The following PCDHA2 variants were observed in gnomAD, a reference collection of about 807,000 sequenced individuals.
PCDHA2 encodes the protein protocadherin alpha-2.
A neutral mutation model predicts 66.0 loss-of-function variants in PCDHA2; 58 were observed. The observed-to-expected ratio is 0.88, with a 90% CI of 0.71 to 1.09. PCDHA2 has a LOEUF of 1.09. Ranked by LOEUF, PCDHA2 falls within the 50% of genes least tolerant of loss-of-function variation. The pLI is 0.00. For synonymous variants in PCDHA2, 634 were observed against 554.0 expected, an observed-to-expected ratio of 1.14 and a Z score of -2.03; for missense variants, 1,267 against 1,242.3, an observed-to-expected ratio of 1.02 and a Z score of -0.30.
intron 1 of PCDHA2, chr5:140,837,228 C>T (rs1388432907): frequency 6.6e-6 from 1 of 152,156 alleles, no homozygotes; most frequent in African/African-American, 2.4e-5. Context: ...TTAAGCATTT[C>T]TTTTACATCT....
intron 1 of PCDHA2, chr5:140,802,640 C>T (rs782385485): frequency 3.1e-6 from 5 of 1,613,634 alleles, no homozygotes; most frequent in Non-Finnish European, 4.2e-6. Context: ...CTGCGCGGGA[C>T]GCGGACGCGC....
chr5:140,912,746 A>T (rs1322674627), intron 1 of PCDHA2, among the ~76,000 whole-genome samples: 1 of 152,200 alleles, frequency 6.6e-6, no homozygotes, highest in Non-Finnish European at 1.5e-5. Flanking sequence ...TGGGTCTGTC[A>T]TAGATGGCTT....
At chr5:140,906,063 A>T (rs572488248) in intron 1 of PCDHA2, among the ~76,000 whole-genome samples, 1 of 152,318 alleles carries the variant, frequency 6.6e-6, no homozygotes, top group South Asian at 2.1e-4. Flanking sequence ...CTGGCAGCTG[A>T]TTAGATCGCA....
intron 3 of PCDHA2, among the ~76,000 whole-genome samples, chr5:140,995,181 T>G (rs1443897354): frequency 6.6e-6 from 1 of 152,186 alleles, no homozygotes; most frequent in Non-Finnish European, 1.5e-5. Context: ...GGTGCACCTA[T>G]GATAAAGTTT....
intron 1 of PCDHA2, chr5:140,835,488 A>C (rs2150236741): frequency 2.5e-6 from 4 of 1,613,940 alleles, no homozygotes; most frequent in Non-Finnish European, 3.4e-6. Flanking sequence ...AGGTACCGTC[A>C]TCACATTGAT....
chr5:140,822,315 T>C lies in PCDHA2; in HGVS notation c.2388+24963T>C, dbSNP rs145095373. ...ATCCAAACGAATATTTTGACTTAGA[T>C]GTTAAAACAAATGAAGAAGAAACGA... On this transcript the variant is annotated intron_variant, in intron 1 of 3. Coordinates refer to ENST00000526136, the MANE Select transcript of PCDHA2 (RefSeq NM_018905.3). 1.0e-4 allele frequency: 164 copies of C among 1,614,198 alleles called. No homozygotes were observed. The African/African-American group carries it at 2.0e-3, about 20-fold the overall frequency.
intron 1 of PCDHA2, chr5:140,842,971 G>T: frequency 6.3e-7 from 1 of 1,594,964 alleles, no homozygotes; most frequent in Non-Finnish European, 8.6e-7. Context: ...GCAACGTGAC[G>T]CTGCAGGTGT....
At chr5:140,875,997 T>C in intron 1 of PCDHA2, 13 of 1,613,924 alleles carry the variant, frequency 8.1e-6, no homozygotes, top group South Asian at 1.1e-5. Context: ...TAAGTCTAAA[T>C]GAGAATTTTG....
chr5:140,896,615 G>A (rs1293256212), intron 1 of PCDHA2, among the ~76,000 whole-genome samples: 4 of 151,782 alleles, frequency 2.6e-5, no homozygotes, highest in African/African-American at 9.7e-5. Context: ...GGTCTTAAGT[G>A]ATCCACCTGC....
chr5:140,941,862 T>G (rs1007783083), intron 1 of PCDHA2, among the ~76,000 whole-genome samples: 33 of 152,238 alleles, frequency 2.2e-4, no homozygotes, highest in African/African-American at 7.7e-4. Context: ...TTCCCTATCA[T>G]AGAGTTCTAT....
At chr5:140,802,950 G>T (rs1206653490) in intron 1 of PCDHA2, 73 of 1,613,808 alleles carry the variant, frequency 4.5e-5, no homozygotes, top group Non-Finnish European at 6.0e-5. Flanking sequence ...GCCGCGGTCA[G>T]TGGGTGCGGG....
intron 1 of PCDHA2, among the ~76,000 whole-genome samples, chr5:140,923,950 C>A (rs544576500): frequency 6.6e-6 from 1 of 152,148 alleles, no homozygotes; most frequent in Non-Finnish European, 1.5e-5. Context: ...TTTTTCCTCA[C>A]GCCCTAATCT....
At chr5:140,861,422 T>G in intron 1 of PCDHA2, 1 of 482,430 alleles carries the variant, frequency 2.1e-6, no homozygotes, top group Admixed American at 2.1e-5. Flanking sequence ...CGCGCCTGTT[T>G]CAGTTGGATT....
At chr5:140,886,042 A>G (rs1450330062) in intron 1 of PCDHA2, among the ~76,000 whole-genome samples, 1 of 152,222 alleles carries the variant, frequency 6.6e-6, no homozygotes, top group African/African-American at 2.4e-5. Context: ...GTTTTCCCCA[A>G]TAGTAACATC....
chr5:140,796,281 C>T lies in PCDHA2; in HGVS notation c.1317C>T (p.Thr439=). The T allele has an allele frequency of 6.2e-7, 1 of 1,614,130 alleles. No homozygotes were observed. The highest frequency in any genetic ancestry group is 2.2e-5 in the East Asian group (1 of 44,890). ...GCTCGCCTTCACTGTGGGCCACCAC[C>T]AGCGTGTCCATCGAGGTGGCCGACG... ...DGGSPSLWAT[T]SVSIEVADVN... Residue 439 remains threonine, a synonymous_variant, in exon 1 of 4, where the codon ACC becomes ACT. Coordinates refer to ENST00000526136, the MANE Select transcript of PCDHA2 (RefSeq NM_018905.3).
intron 1 of PCDHA2, chr5:140,850,308 G>C: frequency 6.3e-7 from 1 of 1,597,160 alleles, no homozygotes; most frequent in Non-Finnish European, 8.6e-7. Flanking sequence ...GGGCTACAAC[G>C]CGTGGCTTTC....
rs1220718510 is a variant in PCDHA2, at chr5:140,898,104, A to T, written c.2389-80845A>T. 2.0e-5 allele frequency among the ~76,000 whole-genome samples: 3 copies of T among 152,110 alleles called. No individual in the cohort carries two copies. In the South Asian group the frequency reaches 6.2e-4, roughly 32 times the overall value. On this transcript the variant is annotated intron_variant, in intron 1 of 3. Coordinates refer to ENST00000526136, the MANE Select transcript of PCDHA2 (RefSeq NM_018905.3). Reference sequence around the variant, plus strand: ...CTGGATATTAGCCCTTTGTCAGATGAGTAGGTTGCGAAAATTTTCTCCCAT... The same window carrying T: ...CTGGATATTAGCCCTTTGTCAGATGTGTAGGTTGCGAAAATTTTCTCCCAT...
At position 140,870,837 on chromosome 5, in the gene PCDHA2, G is replaced by T. The variant is rs782610375; in HGVS notation, c.2388+73485G>T. ...GCAGCGCGGGAGGCGCAGTTAACAA[G>T]CTAGTACCGCGGTCGGTGGGTGCGG... On this transcript the variant is annotated intron_variant, in intron 1 of 3. Transcript: ENST00000526136. 5 of 1,613,820 alleles carry T rather than the reference G, an allele frequency of 3.1e-6. No individual in the cohort carries two copies. The South Asian group carries it at 4.4e-5, about 14-fold the overall frequency.
In PCDHA2 at chr5:140,795,482, G is replaced by A; in HGVS notation, c.518G>A (p.Ser173Asn). Residue 173 changes from serine to asparagine, a missense_variant, in exon 1 of 4, where the codon AGC becomes AAC. By Grantham distance (46) the Ser-to-Asn change is conservative. Transcript: ENST00000526136. ...AATGCTCTTCTCTCCTACAAGCTCAGCTCCAGTGAGTTTTTCTTCCTAGAT... is the reference window on the plus strand; with the variant it reads ...AATGCTCTTCTCTCCTACAAGCTCAACTCCAGTGAGTTTTTCTTCCTAGAT... ...GVNALLSYKL[S>N]SSEFFFLDIQ... 1 of 1,614,146 alleles carries A rather than the reference G, an allele frequency of 6.2e-7. No individual in the cohort carries two copies. The highest frequency in any genetic ancestry group is 8.5e-7 in the Non-Finnish European group (1 of 1,180,034).
Sources: allele counts gnomAD v4.1 joint callset (sites outside exome capture counted in the v4.1 genomes callset), GRCh38; gene constraint gnomAD v4.1.1; transcripts MANE v1.5; gene names NCBI Gene and HGNC (gene_info 2026-07-23, HGNC 2026-07-21).